OLFM3: variants seen among roughly 807,000 people sequenced by gnomAD.
OLFM3 encodes noelin-3.
Under a neutral mutation model 48.6 loss-of-function variants are expected in OLFM3, and 20 were observed. That is an observed-to-expected ratio of 0.41 (90% confidence interval 0.29 to 0.60). The LOEUF (loss-of-function observed/expected upper bound fraction) is 0.60, where lower values mean the gene tolerates loss of function less well. Ranked by LOEUF, OLFM3 falls within the 20% of genes least tolerant of loss-of-function variation. The probability of loss-of-function intolerance (pLI) is 0.28; values close to 1 mark genes in which losing one functional copy is unlikely to be tolerated. For synonymous variants in OLFM3, 222 were observed against 198.1 expected, an observed-to-expected ratio of 1.12 and a Z score of -1.01; for missense variants, 437 against 544.3, an observed-to-expected ratio of 0.80 and a Z score of 1.96.
In OLFM3 at chr1:101,893,435, T is replaced by G; in HGVS notation, c.70-56410A>C. The G allele has an allele frequency of 2.4e-5, 7 of 296,388 alleles. No individual in the cohort carries two copies. The South Asian group carries it at 2.9e-4, about 12-fold the overall frequency. 18.4% of individuals were successfully genotyped at this position (296,388 alleles called of 1,614,324 possible). On this transcript the variant is annotated intron_variant, in intron 1 of 5. Transcript: ENST00000370103. The stretch of plus-strand genomic sequence containing the variant: ...AAGCTGCAACAGAAAGAAGATAGTT[T>G]TGGGAGAAGACGATTCTAGAAATTC...
At chr1:101,817,438 C>T (rs368610091) in intron 4 of OLFM3, among the ~76,000 whole-genome samples, 3 of 151,970 alleles carry the variant, frequency 2.0e-5, no homozygotes, top group Non-Finnish European at 2.9e-5. Flanking sequence ...AGAAAGTGAC[C>T]GTGACCATTT....
At chr1:101,926,299 T>C (rs931326735) in intron 1 of OLFM3, among the ~76,000 whole-genome samples, 1 of 152,218 alleles carries the variant, frequency 6.6e-6, no homozygotes, top group African/African-American at 2.4e-5. Context: ...ATTGAATCTA[T>C]ATCTAATACT....
chr1:101,871,093 T>C (rs552512887), intron 1 of OLFM3, among the ~76,000 whole-genome samples: 1 of 152,132 alleles, frequency 6.6e-6, no homozygotes, highest in African/African-American at 2.4e-5. Flanking sequence ...AATAGTTTAG[T>C]TTTATATTTA....
At chr1:101,945,464 G>T (rs191023411) in intron 1 of OLFM3, among the ~76,000 whole-genome samples, 12 of 152,190 alleles carry the variant, frequency 7.9e-5, no homozygotes, top group Admixed American at 7.8e-4. Flanking sequence ...ACTAATTATA[G>T]TTGCAGGAAG....
intron 1 of OLFM3, among the ~76,000 whole-genome samples, chr1:101,868,659 G>A (rs1291485950): frequency 6.6e-6 from 1 of 152,234 alleles, no homozygotes; most frequent in Non-Finnish European, 1.5e-5. Flanking sequence ...GGAACCAGAT[G>A]TTAATCACCA....
chr1:101,920,792 C>T (rs972629627), intron 1 of OLFM3, among the ~76,000 whole-genome samples: 1 of 152,192 alleles, frequency 6.6e-6, no homozygotes, highest in African/African-American at 2.4e-5. Flanking sequence ...ATTCCCACTG[C>T]TTTATTCACT....
intron 4 of OLFM3, among the ~76,000 whole-genome samples, chr1:101,821,198 G>A (rs1654592344): frequency 6.6e-6 from 1 of 152,028 alleles, no homozygotes; most frequent in Admixed American, 6.6e-5. Flanking sequence ...AGGGTTCTCA[G>A]AGATGAATTG....
chr1:101,840,811 T>C (rs1570549045), intron 1 of OLFM3, among the ~76,000 whole-genome samples: 1 of 152,216 alleles, frequency 6.6e-6, no homozygotes, highest in African/African-American at 2.4e-5. Context: ...ATAACCTTGG[T>C]AGCATTTTCT....
chr1:101,977,714 T>G (rs1045405114), intron 1 of OLFM3, among the ~76,000 whole-genome samples: 3 of 152,162 alleles, frequency 2.0e-5, no homozygotes, highest in African/African-American at 7.2e-5. Flanking sequence ...TTGCTATTTT[T>G]TTTTAATAAT....
chr1:101,904,970 G>A (rs533011132), intron 1 of OLFM3, among the ~76,000 whole-genome samples: 1 of 152,218 alleles, frequency 6.6e-6, no homozygotes, highest in African/African-American at 2.4e-5. Context: ...GGTAAGGCCT[G>A]AGGAGTTATT....
chr1:101,983,865 C>G (rs1661164989), intron 1 of OLFM3, among the ~76,000 whole-genome samples: 1 of 152,174 alleles, frequency 6.6e-6, no homozygotes, highest in East Asian at 1.9e-4. Flanking sequence ...AACAAAATTG[C>G]TTTCATTGGA....
At chr1:101,917,131 T>C (rs945495685) in intron 1 of OLFM3, among the ~76,000 whole-genome samples, 4 of 152,186 alleles carry the variant, frequency 2.6e-5, no homozygotes, top group Admixed American at 2.6e-4. Flanking sequence ...TTCTGTTATG[T>C]GTGCCAAGAA....
At chr1:101,836,400 T>G (rs1655409834) in intron 2 of OLFM3, among the ~76,000 whole-genome samples, 1 of 152,234 alleles carries the variant, frequency 6.6e-6, no homozygotes, top group Non-Finnish European at 1.5e-5. Flanking sequence ...TTGAAGAGCT[T>G]AATGTTAAAA....
chr1:101,886,100 G>C (rs1557716670), intron 1 of OLFM3, among the ~76,000 whole-genome samples: 1 of 152,072 alleles, frequency 6.6e-6, no homozygotes, highest in Non-Finnish European at 1.5e-5. Flanking sequence ...ATATGGGCAA[G>C]AGGGAGTACA....
chr1:101,869,924 A>G (rs1404627020), intron 1 of OLFM3, among the ~76,000 whole-genome samples: 1 of 152,152 alleles, frequency 6.6e-6, no homozygotes, highest in Non-Finnish European at 1.5e-5. Context: ...TGAGTCAATT[A>G]AACTTCTTTT....
intron 1 of OLFM3, among the ~76,000 whole-genome samples, chr1:101,981,687 C>T (rs1446008034): frequency 6.6e-6 from 1 of 152,202 alleles, no homozygotes; most frequent in Non-Finnish European, 1.5e-5. Flanking sequence ...AACTCCTGAT[C>T]TTCTCTCTCA....
At chr1:101,982,420 G>A (rs1246231529) in intron 1 of OLFM3, among the ~76,000 whole-genome samples, 1 of 152,172 alleles carries the variant, frequency 6.6e-6, no homozygotes, top group East Asian at 1.9e-4. Context: ...GGAATATAAA[G>A]ATAGAGAATA....
chr1:101,846,697 A>C, intron 1 of OLFM3: 1 of 582,574 alleles, frequency 1.7e-6, no homozygotes. Context: ...TTTATAAATA[A>C]ATATGATGAA....
intron 1 of OLFM3, among the ~76,000 whole-genome samples, chr1:101,966,317 T>TTTTGTGTGTG (rs371512942): frequency 0.022 from 2,878 of 128,056 alleles, 43 homozygotes; most frequent in Middle Eastern, 0.035. Context: ...CCTGGCTAAT[T>TTTTGTGTGTG]TGTGTGTGTG....
Sources: gnomAD v4.1 joint callset for allele counts (sites outside exome capture counted in the v4.1 genomes callset) on GRCh38, gnomAD v4.1.1 for gene constraint, MANE v1.5 for transcripts, NCBI Gene and HGNC (gene_info 2026-07-23, HGNC 2026-07-21) for gene names.